IQCH: variants seen among roughly 807,000 people sequenced by gnomAD.
IQCH encodes the protein IQ domain-containing protein H.
In IQCH, 98 loss-of-function variants were observed where a neutral mutation model predicts 117.0. That is an observed-to-expected ratio of 0.84 (90% CI 0.71 to 0.99). IQCH has a LOEUF of 0.99. Among genes scored for constraint, IQCH ranks in the 50% least tolerant of loss-of-function variants. The pLI is 0.00. For missense variants in IQCH, 1,102 were observed against 1,243.8 expected (o/e 0.89, Z 1.72); for synonymous variants, 412 against 448.2 (o/e 0.92, Z 1.02).
intron 16 of IQCH, among the ~76,000 whole-genome samples, chr15:67,446,711 A>C (rs554979149): frequency 6.6e-6 from 1 of 152,320 alleles, no homozygotes; most frequent in East Asian, 1.9e-4. Context: ...ACGTTTCTGG[A>C]AAGTGCCATA....
rs543966209 is a variant in IQCH, at chr15:67,423,527, G to T, written c.2505+1950G>T. ...GTAGCCTCAACCTCCCACCTCCTCT[G>T]CAGTGAGCCAGGATCGCATCACTGC... On this transcript the variant is annotated intron_variant, in intron 16 of 20. Coordinates refer to ENST00000335894, the MANE Select transcript of IQCH (RefSeq NM_001031715.3). Among the ~76,000 whole-genome samples the T allele has an allele frequency of 2.7e-5, 4 of 150,560 alleles. No homozygotes were observed. In the South Asian group the frequency reaches 8.4e-4, roughly 32 times the overall value.
chr15:67,436,227 C>T lies in IQCH; in HGVS notation c.2505+14650C>T, dbSNP rs1188807638. ...TGCTCCTGCAGGACCCAGGAGACAC[C>T]CCAAATACTGTGAGTGCCCCAACTG... On this transcript the variant is annotated intron_variant, in intron 16 of 20. Transcript: ENST00000335894. The surrounding 1 kb of genome is among the most constrained non-coding windows in gnomAD (Gnocchi z 5.1). Among the ~76,000 whole-genome samples, 1 of 152,084 alleles carries T rather than the reference C, an allele frequency of 6.6e-6. No homozygotes were observed. Among genetic ancestry groups the T allele is most frequent in the African/African-American group, 2.4e-5 (1 of 41,402 alleles).
At position 67,384,153 on chromosome 15, in the gene IQCH, G is replaced by C. The variant is rs1038412344; in HGVS notation, c.1373-783G>C. Among the ~76,000 whole-genome samples, 4 of 152,106 alleles carry C rather than the reference G, an allele frequency of 2.6e-5. No homozygotes were observed. Among genetic ancestry groups the C allele is most frequent in the African/African-American group, 9.7e-5 (4 of 41,436 alleles). On this transcript the variant is annotated intron_variant, in intron 10 of 20. Coordinates refer to ENST00000335894, the MANE Select transcript of IQCH (RefSeq NM_001031715.3). The surrounding 1 kb of genome is among the most constrained non-coding windows in gnomAD (Gnocchi z 4.3). ...GAAAAAAAAAGTTACACCTACAGTT[G>C]TTGAATTTCATATAAGCAGTTATAC...
chr15:67,276,494 A>G (rs563392745), intron 3 of IQCH, among the ~76,000 whole-genome samples: 15 of 152,298 alleles, frequency 9.8e-5, no homozygotes, highest in African/African-American at 3.6e-4. Flanking sequence ...CCTCCAAAGA[A>G]TTTCCTTTAA....
chr15:67,370,881 C>G lies in IQCH; in HGVS notation c.754-1230C>G, dbSNP rs541821432. Among the ~76,000 whole-genome samples, 1 of 150,884 alleles carries G rather than the reference C, an allele frequency of 6.6e-6. No individual in the cohort carries two copies. Among genetic ancestry groups the G allele is most frequent in the South Asian group, 2.1e-4 (1 of 4,780 alleles). ...AATTAATTATTGTGCGGCCCAGGACCGGAGAAAAGAAAACGCGTGAATAAT... is the reference window on the plus strand; with the variant it reads ...AATTAATTATTGTGCGGCCCAGGACGGGAGAAAAGAAAACGCGTGAATAAT... On this transcript the variant is annotated intron_variant, in intron 8 of 20. Coordinates refer to ENST00000335894, the MANE Select transcript of IQCH (RefSeq NM_001031715.3). This position sits in a 1 kb window ranked among gnomAD's most constrained non-coding sequence, Gnocchi z 5.6.
At chr15:67,448,102 A>G (rs1192366348) in intron 16 of IQCH, among the ~76,000 whole-genome samples, 1 of 151,882 alleles carries the variant, frequency 6.6e-6, no homozygotes, top group Admixed American at 6.6e-5. Flanking sequence ...CACACACTCA[A>G]CTAGATTCAA....
rs1332390951 is a variant in IQCH, at chr15:67,472,006, G to A, written c.2677-3690G>A. The stretch of plus-strand genomic sequence containing the variant: ...AGGAGCTGAAAAGAAAGGCCATAGA[G>A]AGAGAGAGATGTTGCTATTAAAATA... On this transcript the variant is annotated intron_variant, in intron 17 of 20. Transcript: ENST00000335894. This position sits in a 1 kb window ranked among gnomAD's most constrained non-coding sequence, Gnocchi z 4.3. 6.6e-6 allele frequency among the ~76,000 whole-genome samples: 1 copy of A among 152,254 alleles called. No individual in the cohort carries two copies. The highest frequency in any genetic ancestry group is 1.5e-5 in the Non-Finnish European group (1 of 68,048).
At chr15:67,442,859 G>C (rs1376183879) in intron 16 of IQCH, among the ~76,000 whole-genome samples, 3 of 133,216 alleles carry the variant, frequency 2.3e-5, no homozygotes, top group African/African-American at 9.1e-5. Context: ...TAGATAGATA[G>C]ATAGATATAC....
Position 67,301,555 on chromosome 15 carries a change from G to A in IQCH, c.387+22043G>A, listed in dbSNP as rs553937716. Reference sequence around the variant, plus strand: ...CTCTCAAGTAGCTGGGACCACAGGCGCACGCTACTACACCTGGCTAATTTT... The same window carrying A: ...CTCTCAAGTAGCTGGGACCACAGGCACACGCTACTACACCTGGCTAATTTT... On this transcript the variant is annotated intron_variant, in intron 4 of 20. Transcript: ENST00000335894. 5.9e-5 allele frequency among the ~76,000 whole-genome samples: 9 copies of A among 151,560 alleles called. No homozygotes were observed. The South Asian group carries it at 6.3e-4, about 11-fold the overall frequency.
rs1477908567 is a variant in IQCH at position 67,431,056 on chromosome 15, G to A, written c.2505+9479G>A. On this transcript the variant is annotated intron_variant, in intron 16 of 20. Coordinates refer to ENST00000335894, the MANE Select transcript of IQCH (RefSeq NM_001031715.3). The surrounding 1 kb of genome is among the most constrained non-coding windows in gnomAD (Gnocchi z 4.8). The stretch of plus-strand genomic sequence containing the variant: ...AGCCGAAAGAAAATTAGGATATGAG[G>A]AGGGTAAGAAAGAGTGTATTCCAAG... Among the ~76,000 whole-genome samples the A allele has an allele frequency of 1.3e-5, 2 of 152,168 alleles. No homozygotes were observed. Among genetic ancestry groups the A allele is most frequent in the Admixed American group, 6.5e-5 (1 of 15,284 alleles).
At chr15:67,279,620 G>C in intron 4 of IQCH, 108 bp downstream of exon 4, 1 of 589,082 alleles carries the variant, frequency 1.7e-6, no homozygotes, top group South Asian at 2.4e-5. Context: ...TTTCTTTGGG[G>C]GACAATGAAC....
At chr15:67,492,020 A>G (rs958881535) in intron 19 of IQCH, among the ~76,000 whole-genome samples, 3 of 152,086 alleles carry the variant, frequency 2.0e-5, no homozygotes, top group African/African-American at 7.2e-5. Flanking sequence ...AGAAGATCAG[A>G]GATTAAATAC....
chr15:67,333,139 A>G (rs1419974957), intron 4 of IQCH, among the ~76,000 whole-genome samples: 1 of 152,110 alleles, frequency 6.6e-6, no homozygotes, highest in African/African-American at 2.4e-5. Flanking sequence ...CTCATGATCA[A>G]ACCACCTTCC....
chr15:67,306,575 CT>C (rs1967306332), intron 4 of IQCH, among the ~76,000 whole-genome samples: 1 of 152,086 alleles, frequency 6.6e-6, no homozygotes. Context: ...TCTTCTCCAT[CT>C]TATGAAGTGG....
In IQCH at chr15:67,499,824, C is replaced by T. The variant is rs756609998; in HGVS notation, c.2971-809C>T. The stretch of plus-strand genomic sequence containing the variant: ...GTACTGATCCATGCTGCAACATGGA[C>T]GAACCTTGAAAACATTATGCTAGGT... On this transcript the variant is annotated intron_variant, in intron 20 of 20. Coordinates refer to ENST00000335894, the MANE Select transcript of IQCH (RefSeq NM_001031715.3). Among the ~76,000 whole-genome samples, 8 of 152,150 alleles carry T rather than the reference C, an allele frequency of 5.3e-5. No individual in the cohort carries two copies. The East Asian group carries it at 7.7e-4, about 15-fold the overall frequency.
chr15:67,388,826 T>A lies in IQCH; in HGVS notation c.1457-5T>A. On this transcript the variant is annotated splice_region_variant and splice_polypyrimidine_tract_variant and intron_variant, in intron 11 of 20. Coordinates refer to ENST00000335894, the MANE Select transcript of IQCH (RefSeq NM_001031715.3). This position sits in a 1 kb window ranked among gnomAD's most constrained non-coding sequence, Gnocchi z 5.5. ...AGTAATTAACATTGTGCCTGTTGTT[T>A]TTAGATGCCAATGTGAATGTCATCT... 1.9e-6 allele frequency: 3 copies of A among 1,611,650 alleles called. No individual in the cohort carries two copies. The highest frequency in any genetic ancestry group is 2.5e-6 in the Non-Finnish European group (3 of 1,177,982).
intron 18 of IQCH, among the ~76,000 whole-genome samples, chr15:67,478,414 C>T (rs1167751473): frequency 1.3e-5 from 2 of 151,556 alleles, no homozygotes; most frequent in Admixed American, 6.6e-5. Flanking sequence ...AGAGGGGCAC[C>T]GAAGACACTT....
At position 67,366,272 on chromosome 15, in the gene IQCH, ACATTTTCTCAGAG is replaced by A. The variant is rs1288744662; in HGVS notation, c.754-5838_754-5826del. Reference sequence around the variant, plus strand: ...GTCCCCAGTGGTCCTTAACTATGTCACATTTTCTCAGAGAATATTAGAGGTATAACAGAAAAGA... The same window carrying A: ...GTCCCCAGTGGTCCTTAACTATGTCAAATATTAGAGGTATAACAGAAAAGA... On this transcript the variant is annotated intron_variant, in intron 8 of 20. Coordinates refer to ENST00000335894, the MANE Select transcript of IQCH (RefSeq NM_001031715.3). This position sits in a 1 kb window ranked among gnomAD's most constrained non-coding sequence, Gnocchi z 4.4. 6.6e-6 allele frequency among the ~76,000 whole-genome samples: 1 copy of A among 152,178 alleles called. No individual in the cohort carries two copies. Among genetic ancestry groups the A allele is most frequent in the Non-Finnish European group, 1.5e-5 (1 of 68,022 alleles).
Position 67,359,154 on chromosome 15 carries a change from G to A in IQCH, c.715-693G>A, listed in dbSNP as rs943829518. Among the ~76,000 whole-genome samples, 12 of 152,250 alleles carry A rather than the reference G, an allele frequency of 7.9e-5. No homozygotes were observed. The highest frequency in any genetic ancestry group is 2.2e-4 in the African/African-American group (9 of 41,528). On this transcript the variant is annotated intron_variant, in intron 7 of 20. Transcript: ENST00000335894. This position sits in a 1 kb window ranked among gnomAD's most constrained non-coding sequence, Gnocchi z 4.5. Reference sequence around the variant, plus strand: ...GTTTTGATTCTCACCCTGTTGGAGCGCTCAGGTCCCACAGTTTTATAGATA... The same window carrying A: ...GTTTTGATTCTCACCCTGTTGGAGCACTCAGGTCCCACAGTTTTATAGATA...
Sources: allele counts gnomAD v4.1 joint callset (sites outside exome capture counted in the v4.1 genomes callset), GRCh38; gene constraint gnomAD v4.1.1; non-coding constraint Gnocchi (gnomAD v3.1); transcripts MANE v1.5; gene names NCBI Gene and HGNC (gene_info 2026-07-23, HGNC 2026-07-21).